The following CEP57L1 variants were observed in gnomAD, a reference collection of about 807,000 sequenced individuals.
The protein encoded by CEP57L1 is centrosomal protein CEP57L1.
In CEP57L1, 37 loss-of-function variants were observed where a neutral mutation model predicts 61.0. The ratio of observed to expected loss-of-function variants is 0.61; its 90% CI spans 0.47 to 0.80. The LOEUF (loss-of-function observed/expected upper bound fraction) is 0.80. CEP57L1 is among the 30% of genes least tolerant of loss of function. The pLI, the probability that CEP57L1 is intolerant of heterozygous loss-of-function variation, is 0.00. For missense variants in CEP57L1, 422 were observed against 524.7 expected, an observed-to-expected ratio of 0.80 and a Z score of 1.91; for synonymous variants, 137 against 162.3, an observed-to-expected ratio of 0.84 and a Z score of 1.19.
At chr6:109,137,115 G>A (rs1394562348) in intron 1 of CEP57L1, among the ~76,000 whole-genome samples, 1 of 152,064 alleles carries the variant, frequency 6.6e-6, no homozygotes, top group Non-Finnish European at 1.5e-5. Flanking sequence ...TATTCTAGAA[G>A]TATAGTAAAA....
chr6:109,103,448 G>A lies in CEP57L1; in HGVS notation c.-4+7873G>A, dbSNP rs140459690. Among the ~76,000 whole-genome samples, 893 of 152,240 alleles carry A rather than the reference G, an allele frequency of 5.9e-3. 14 individuals carry two copies. Among genetic ancestry groups the A allele is most frequent in the African/African-American group, 0.021 (852 of 41,548 alleles). On this transcript the variant is annotated intron_variant, in intron 1 of 10. Coordinates refer to ENST00000517392, the MANE Select transcript of CEP57L1 (RefSeq NM_001271852.3). ...AAGGTCGATTTGAATTCCTTAACAA[G>A]ATTGATTTGAATGATATTCTTTTCA...
chr6:109,127,052 G>C (rs990491482), intron 1 of CEP57L1, among the ~76,000 whole-genome samples: 4 of 152,128 alleles, frequency 2.6e-5, no homozygotes, highest in Admixed American at 2.6e-4. Context: ...TGTAGTCTCA[G>C]TTACTTGGGA....
intron 1 of CEP57L1, among the ~76,000 whole-genome samples, chr6:109,119,861 T>C (rs989681398): frequency 2.0e-5 from 3 of 152,190 alleles, no homozygotes; most frequent in Non-Finnish European, 4.4e-5. Flanking sequence ...ATTAGGATTA[T>C]AGTATGATAC....
chr6:109,101,152 A>T (rs989843278), intron 1 of CEP57L1, among the ~76,000 whole-genome samples: 1 of 152,158 alleles, frequency 6.6e-6, no homozygotes, highest in Non-Finnish European at 1.5e-5. Flanking sequence ...GCTGCAACAT[A>T]TCAATAGATG....
chr6:109,162,135 GTGTT>G (rs1773768757), intron 10 of CEP57L1, among the ~76,000 whole-genome samples: 1 of 151,906 alleles, frequency 6.6e-6, no homozygotes, highest in Non-Finnish European at 1.5e-5. Flanking sequence ...ATACACAAAA[GTGTT>G]TGTTCACAAA....
At chr6:109,143,500 GTT>G (rs1445496079) in intron 1 of CEP57L1, among the ~76,000 whole-genome samples, 3 of 152,016 alleles carry the variant, frequency 2.0e-5, no homozygotes, top group Non-Finnish European at 2.9e-5. Flanking sequence ...TCTCTTTACT[GTT>G]TTCTTTCTTT....
intron 1 of CEP57L1, among the ~76,000 whole-genome samples, chr6:109,126,950 A>G (rs1773616661): frequency 6.6e-6 from 1 of 152,068 alleles, no homozygotes; most frequent in South Asian, 2.1e-4. Flanking sequence ...GACGGATCAC[A>G]AGGTCAAGAG....
intron 1 of CEP57L1, among the ~76,000 whole-genome samples, chr6:109,142,252 A>C (rs1259403210): frequency 6.6e-6 from 1 of 152,212 alleles, no homozygotes; most frequent in Non-Finnish European, 1.5e-5. Context: ...AAAATGTGGT[A>C]CATATATTCC....
intron 1 of CEP57L1, among the ~76,000 whole-genome samples, chr6:109,114,543 A>T (rs1056573063): frequency 1.3e-5 from 2 of 152,150 alleles, no homozygotes; most frequent in Admixed American, 1.3e-4. Context: ...ACATGGATGA[A>T]CCTAGAGGAC....
intron 7 of CEP57L1, 196 bp from the exon 8 acceptor site, chr6:109,158,829 G>A (rs770162731): frequency 3.4e-5 from 20 of 595,034 alleles, no homozygotes; most frequent in East Asian, 1.7e-4. Context: ...ATTTTAACTC[G>A]CATTTCCATA....
rs1774114383 is a variant in CEP57L1, at chr6:109,166,528, C to T, written c.*3558C>T. On this transcript the variant is annotated 3_prime_UTR_variant, in exon 11 of 11. Transcript: ENST00000517392. ...CCTCCCGAGTAGCTGGAATTACAGG[C>T]ACCTGCCATACACCCAGCTAATTTT... is the stretch of plus-strand genomic sequence containing the variant. 6.6e-6 allele frequency among the ~76,000 whole-genome samples: 1 copy of T among 151,860 alleles called. No individual in the cohort carries two copies. Among genetic ancestry groups the T allele is most frequent in the South Asian group, 2.1e-4 (1 of 4,820 alleles).
At chr6:109,153,801 CA>C in intron 4 of CEP57L1, 31 bp from the exon 5 acceptor site, 1 of 1,308,660 alleles carries the variant, frequency 7.6e-7, no homozygotes, top group Non-Finnish European at 1.1e-6. Context: ...TTGCCAAATT[CA>C]GGGTTGCTAT....
intron 1 of CEP57L1, among the ~76,000 whole-genome samples, chr6:109,098,668 A>G (rs996049592): frequency 5.3e-5 from 8 of 151,308 alleles, no homozygotes; most frequent in Non-Finnish European, 8.8e-5. Context: ...GTCTTTTTGT[A>G]GAGACAGGAT....
rs1773969796 is a variant in CEP57L1, at chr6:109,164,605, T to G, written c.*1635T>G. Among the ~76,000 whole-genome samples, 1 of 152,240 alleles carries G rather than the reference T, an allele frequency of 6.6e-6. No homozygotes were observed. Reference sequence around the variant, plus strand: ...TGCCTTTCCTCCTTGAGGATATGAGTTTTATAGCTTAAGCTTAGCTTTTTG... The same window carrying G: ...TGCCTTTCCTCCTTGAGGATATGAGGTTTATAGCTTAAGCTTAGCTTTTTG... On this transcript the variant is annotated 3_prime_UTR_variant, in exon 11 of 11. Coordinates refer to ENST00000517392, the MANE Select transcript of CEP57L1 (RefSeq NM_001271852.3).
intron 1 of CEP57L1, among the ~76,000 whole-genome samples, chr6:109,118,093 TG>T (rs1490960865): frequency 3.9e-5 from 6 of 152,242 alleles, no homozygotes; most frequent in Non-Finnish European, 7.3e-5. Flanking sequence ...TGGAGTGCAG[TG>T]GCACGGTCTC....
intron 1 of CEP57L1, among the ~76,000 whole-genome samples, chr6:109,114,633 A>G (rs1455083529): frequency 6.6e-6 from 1 of 152,180 alleles, no homozygotes; most frequent in Non-Finnish European, 1.5e-5. Context: ...TAGAAAAGTC[A>G]AAATCATAGA....
intron 1 of CEP57L1, among the ~76,000 whole-genome samples, chr6:109,100,729 G>A (rs1040806930): frequency 2.0e-5 from 3 of 150,598 alleles, no homozygotes; most frequent in African/African-American, 7.3e-5. Flanking sequence ...CTGTAGCCTA[G>A]GAAATGTAAT....
intron 1 of CEP57L1, among the ~76,000 whole-genome samples, chr6:109,141,100 G>T (rs1162801569): frequency 6.7e-6 from 1 of 149,216 alleles, no homozygotes; most frequent in Non-Finnish European, 1.5e-5. Context: ...AAAGTGCTGG[G>T]ATTACAGACA....
rs116694778 is a variant in CEP57L1, at chr6:109,137,312, T to G, written c.-3-7907T>G. Among the ~76,000 whole-genome samples, 1,260 of 152,222 alleles carry G rather than the reference T, an allele frequency of 8.3e-3. 24 individuals carry two copies. Among genetic ancestry groups the G allele is most frequent in the African/African-American group, 0.029 (1,212 of 41,516 alleles). On this transcript the variant is annotated intron_variant, in intron 1 of 10. Transcript: ENST00000517392. Reference sequence around the variant, plus strand: ...ACTTTCAAAACATAAGTTTTGTTTTTTTTCTTTGAGATGGAGTCTCACTCT... The same window carrying G: ...ACTTTCAAAACATAAGTTTTGTTTTGTTTCTTTGAGATGGAGTCTCACTCT...
Sources: gnomAD v4.1 joint callset for allele counts (sites outside exome capture counted in the v4.1 genomes callset) on GRCh38, gnomAD v4.1.1 for gene constraint, MANE v1.5 for transcripts, NCBI Gene and HGNC (gene_info 2026-07-23, HGNC 2026-07-21) for gene names.